Variants in RABGAP1 observed in about 807,000 individuals in gnomAD.
The protein encoded by RABGAP1 is RAB GTPase activating protein 1.
Under a neutral mutation model 137.6 loss-of-function variants are expected in RABGAP1, and 23 were observed. That is an observed-to-expected ratio of 0.17 (90% confidence interval 0.12 to 0.24). The LOEUF is 0.24. RABGAP1 is among the 10% of genes least tolerant of loss of function. The probability of loss-of-function intolerance (pLI) is 1.00; values close to 1 mark genes in which losing one functional copy is unlikely to be tolerated. For synonymous variants in RABGAP1, 451 were observed against 450.7 expected (o/e 1.00, Z -0.01); for missense variants, 906 against 1,275.8 (o/e 0.71, Z 4.42).
chr9:123,021,136 A>G (rs1450700910), intron 13 of RABGAP1, among the ~76,000 whole-genome samples: 1 of 152,270 alleles, frequency 6.6e-6, no homozygotes, highest in East Asian at 1.9e-4. Flanking sequence ...CTCCAATAGT[A>G]TGCAAATCCC....
chr9:123,013,953 G>T (rs2031021929), intron 11 of RABGAP1, among the ~76,000 whole-genome samples: 2 of 152,186 alleles, frequency 1.3e-5, no homozygotes, highest in East Asian at 3.8e-4. Flanking sequence ...AACAAGTACT[G>T]TTGTAACCCA....
chr9:123,063,435 T>A (rs1344000304), intron 13 of RABGAP1: 1 of 152,702 alleles, frequency 6.5e-6, no homozygotes, highest in African/African-American at 2.4e-5. Flanking sequence ...AGGAATGGAA[T>A]CACTGGGTTG....
At chr9:122,986,628 A>G (rs1836385253) in intron 4 of RABGAP1, among the ~76,000 whole-genome samples, 1 of 152,198 alleles carries the variant, frequency 6.6e-6, no homozygotes, top group South Asian at 2.1e-4. Flanking sequence ...CTTCCCGATC[A>G]TGTGTAGTAC....
intron 2 of RABGAP1, among the ~76,000 whole-genome samples, chr9:122,974,607 C>G (rs1835671023): frequency 1.3e-5 from 2 of 151,766 alleles, no homozygotes; most frequent in South Asian, 4.2e-4. Flanking sequence ...GCCTAGGTAA[C>G]ATGATGGGAC....
At chr9:122,959,358 G>GC (rs2131632639) in intron 2 of RABGAP1, among the ~76,000 whole-genome samples, 1 of 48,166 alleles carries the variant, frequency 2.1e-5, no homozygotes, top group South Asian at 9.6e-4. Context: ...AAAGTGTGGG[G>GC]CTTTACAAAA....
chr9:122,944,243 T>TA (rs928745520), intron 1 of RABGAP1, among the ~76,000 whole-genome samples: 9 of 151,794 alleles, frequency 5.9e-5, no homozygotes, highest in African/African-American at 1.7e-4. Flanking sequence ...TTTTTTTTTT[T>TA]AAAAGAGATA....
Position 122,998,577 on chromosome 9 carries a change from C to A in RABGAP1, c.1205-20C>A. ...TGTGTTTCTGATTTACCTCTTCAGC[C>A]TCTCTCTTTCTTTGTTTAGATAAAG... is the stretch of plus-strand genomic sequence containing the variant. On this transcript the variant is annotated intron_variant, in intron 9 of 25. Coordinates refer to ENST00000373647, the MANE Select transcript of RABGAP1 (RefSeq NM_012197.4). The A allele has an allele frequency of 6.7e-7, 1 of 1,495,572 alleles. No individual in the cohort carries two copies. Among genetic ancestry groups the A allele is most frequent in the South Asian group, 1.3e-5 (1 of 76,526 alleles). 92.6% of individuals were successfully genotyped at this position (1,495,572 alleles called of 1,614,324 possible).
intron 13 of RABGAP1, among the ~76,000 whole-genome samples, chr9:123,031,869 G>C (rs2032319169): frequency 6.6e-6 from 1 of 152,234 alleles, no homozygotes; most frequent in Non-Finnish European, 1.5e-5. Flanking sequence ...AGATGGAAAA[G>C]GGAGCTTAGG....
intron 13 of RABGAP1, among the ~76,000 whole-genome samples, chr9:123,051,582 T>C (rs939378099): frequency 6.6e-6 from 1 of 151,458 alleles, no homozygotes; most frequent in African/African-American, 2.4e-5. Context: ...GTCATATATT[T>C]CTCTGGCTAC....
the RABGAP1 span, among the ~76,000 whole-genome samples, chr9:122,932,768 G>A: frequency 1.3e-5 from 2 of 152,138 alleles, no homozygotes; most frequent in Non-Finnish European, 2.9e-5. Context: ...CCGACCTCAG[G>A]TGATCCACCC....
intron 11 of RABGAP1, among the ~76,000 whole-genome samples, chr9:123,010,957 T>C (rs2131880064): frequency 1.3e-5 from 2 of 151,968 alleles, no homozygotes; most frequent in East Asian, 3.9e-4. Flanking sequence ...CGTTTATATA[T>C]TACTATGTTT....
intron 13 of RABGAP1, among the ~76,000 whole-genome samples, chr9:123,029,064 A>C (rs754517473): frequency 5.3e-5 from 8 of 152,192 alleles, no homozygotes; most frequent in Non-Finnish European, 8.8e-5. Flanking sequence ...TTAATAATTC[A>C]GGCAAGAGAT....
In RABGAP1 at chr9:122,946,193, A is replaced by C. The variant is rs150824455; in HGVS notation, c.-50+5100A>C. ...TCTGCCAAACATTCATGGTTTGCCT[A>C]CATGCATTCCCCTGAAAATCAAACA... On this transcript the variant is annotated intron_variant, in intron 1 of 25. Transcript: ENST00000373647. The C allele has an allele frequency of 1.2e-4, 19 of 152,252 alleles. No homozygotes were observed. In the East Asian group the frequency reaches 3.7e-3, roughly 29 times the overall value. 9.4% of individuals were successfully genotyped at this position (152,252 alleles called of 1,614,324 possible).
At position 122,986,257 on chromosome 9, in the gene RABGAP1, A is replaced by T; in HGVS notation, c.428A>T (p.Asp143Val). ...CCTTTCACACCAGTGGCCGATGAGG[A>T]CAGCGTAGTTTTCAGTAAACTGACT... Reference protein sequence around the residue: ...SSPFTPVADEDSVVFSKLTYL... With the variant: ...SSPFTPVADEVSVVFSKLTYL... Residue 143 changes from aspartate to valine, a missense_variant, in exon 4 of 26, where the codon GAC (aspartate) becomes GTC (valine). Coordinates refer to ENST00000373647, the MANE Select transcript of RABGAP1 (RefSeq NM_012197.4). 1 of 1,614,174 alleles carries T rather than the reference A, an allele frequency of 6.2e-7. No homozygotes were observed. The highest frequency in any genetic ancestry group is 8.5e-7 in the Non-Finnish European group (1 of 1,180,028).
chr9:122,996,202 A>G (rs752681427), intron 7 of RABGAP1, 51 bp downstream of exon 7: 4 of 1,569,422 alleles, frequency 2.5e-6, no homozygotes, highest in Admixed American at 2.0e-5. Flanking sequence ...GCTTTTATCA[A>G]TCTAATGGCA....
rs182883671 is a variant in RABGAP1, at chr9:123,019,174, G to T, written c.1644-1135G>T. On this transcript the variant is annotated intron_variant, in intron 12 of 25. Coordinates refer to ENST00000373647, the MANE Select transcript of RABGAP1 (RefSeq NM_012197.4). ...GACATAAATGAAGTCCAAAGATTTCGATAACTTGTAGTGATATAGTAGTTC... is the reference window on the plus strand; with the variant it reads ...GACATAAATGAAGTCCAAAGATTTCTATAACTTGTAGTGATATAGTAGTTC... 2.0e-5 allele frequency among the ~76,000 whole-genome samples: 3 copies of T among 152,106 alleles called. No homozygotes were observed. The East Asian group carries it at 5.8e-4, about 29-fold the overall frequency.
intron 13 of RABGAP1, chr9:123,035,306 A>G: frequency 1.2e-6 from 2 of 1,614,174 alleles, no homozygotes; most frequent in Non-Finnish European, 1.7e-6. Flanking sequence ...GCCTGTCCTG[A>G]TAAGCGCTAT....
intron 2 of RABGAP1, among the ~76,000 whole-genome samples, chr9:122,978,838 C>A (rs1307594423): frequency 6.6e-6 from 1 of 151,976 alleles, no homozygotes; most frequent in Non-Finnish European, 1.5e-5. Context: ...TTCTTGCCAG[C>A]CCTTCCTATT....
Position 123,035,204 on chromosome 9 carries a change from A to T in RABGAP1, c.1794+14745A>T. On this transcript the variant is annotated intron_variant, in intron 13 of 25. Coordinates refer to ENST00000373647, the MANE Select transcript of RABGAP1 (RefSeq NM_012197.4). ...CTTATTGTCTGCTTCACCTATTTCA[A>T]CATCTTCCGCATCTGCCAACAGCAC... 4.3e-6 allele frequency: 7 copies of T among 1,614,030 alleles called. No individual in the cohort carries two copies. In the Middle Eastern group the frequency reaches 1.2e-3, roughly 266 times the overall value.
Sources: allele counts gnomAD v4.1 joint callset (sites outside exome capture counted in the v4.1 genomes callset), GRCh38; gene constraint gnomAD v4.1.1; transcripts MANE v1.5; gene names NCBI Gene and HGNC (gene_info 2026-07-23, HGNC 2026-07-21).